Variants in CHRM2 observed in about 807,000 individuals in gnomAD.
The protein encoded by CHRM2 is cholinergic receptor muscarinic 2.
Under a neutral mutation model 25.0 loss-of-function variants are expected in CHRM2, and 8 were observed. That is an observed-to-expected ratio of 0.32 (90% CI 0.19 to 0.58). CHRM2 has a LOEUF of 0.58. Among genes scored for constraint, CHRM2 ranks in the 20% least tolerant of loss-of-function variants. The pLI, the probability that CHRM2 is intolerant of heterozygous loss-of-function variation, is 0.88. For missense variants in CHRM2, 440 were observed against 567.1 expected (o/e 0.78, Z 2.28); for synonymous variants, 202 against 205.7 (o/e 0.98, Z 0.15).
intron 2 of CHRM2, among the ~76,000 whole-genome samples, chr7:136,966,601 C>G (rs996542426): frequency 6.6e-6 from 1 of 151,888 alleles, no homozygotes; most frequent in Admixed American, 6.6e-5. Flanking sequence ...AGAAAGGCAA[C>G]CATTGTAAAT....
At chr7:136,924,138 T>A (rs1301406194) in intron 2 of CHRM2, among the ~76,000 whole-genome samples, 1 of 152,228 alleles carries the variant, frequency 6.6e-6, no homozygotes, top group Non-Finnish European at 1.5e-5. Flanking sequence ...CAAATACATA[T>A]GTTTCCTAAG....
At chr7:136,893,075 AT>A (rs1029434822) in intron 2 of CHRM2, among the ~76,000 whole-genome samples, 25 of 152,114 alleles carry the variant, frequency 1.6e-4, no homozygotes, top group Non-Finnish European at 2.4e-4. Flanking sequence ...CTAAAGAGAC[AT>A]GTCTCTCTCT....
chr7:136,892,693 A>G (rs1796740365), intron 2 of CHRM2, among the ~76,000 whole-genome samples: 2 of 146,808 alleles, frequency 1.4e-5, no homozygotes, highest in South Asian at 2.1e-4. Context: ...TTTTTGATAC[A>G]GGGTCTTGCT....
chr7:136,875,046 A>C (rs902077369), intron 2 of CHRM2, among the ~76,000 whole-genome samples: 17 of 150,392 alleles, frequency 1.1e-4, no homozygotes, highest in Admixed American at 2.0e-4. Context: ...ATATGTAAAA[A>C]ATGCATGTGT....
chr7:137,012,258 A>T (rs1804874101), intron 3 of CHRM2, among the ~76,000 whole-genome samples: 1 of 152,120 alleles, frequency 6.6e-6, no homozygotes, highest in South Asian at 2.1e-4. Context: ...TTCTGATCTT[A>T]CAGTTAGCTG....
At chr7:136,940,351 T>C (rs920726291) in intron 2 of CHRM2, among the ~76,000 whole-genome samples, 17 of 152,320 alleles carry the variant, frequency 1.1e-4, no homozygotes, top group African/African-American at 3.8e-4. Context: ...AAGCCTTCTG[T>C]AGTGATTAAA....
In CHRM2 at chr7:137,005,295, TTCTC is replaced by T. The variant is rs370907352; in HGVS notation, c.-46-9522_-46-9519del. Among the ~76,000 whole-genome samples, 49 of 152,238 alleles carry T rather than the reference TTCTC, an allele frequency of 3.2e-4. No individual in the cohort carries two copies. The East Asian group carries it at 9.5e-3, about 29-fold the overall frequency. ...TTTAATGAAAAGAGCAACTTTCTCT[TTCTC>T]TCCATAAGCAATGCAGCCTTAAGTA... On this transcript the variant is annotated intron_variant, in intron 3 of 3. Transcript: ENST00000680005.
chr7:136,986,863 T>C (rs1802889987), intron 2 of CHRM2, among the ~76,000 whole-genome samples: 2 of 152,206 alleles, frequency 1.3e-5, no homozygotes, highest in South Asian at 4.1e-4. Context: ...CTCATTCTTA[T>C]TGTATATGAA....
chr7:136,918,492 C>G (rs1160122222), intron 2 of CHRM2, among the ~76,000 whole-genome samples: 5 of 152,118 alleles, frequency 3.3e-5, no homozygotes, highest in Admixed American at 6.6e-5. Flanking sequence ...ACCCATCTCA[C>G]TGTTGCTACC....
In CHRM2 at chr7:137,016,610, T is replaced by C; in HGVS notation, c.*344T>C. On this transcript the variant is annotated 3_prime_UTR_variant, in exon 4 of 4. Transcript: ENST00000680005. Reference sequence around the variant, plus strand: ...ACAAGAGGAATAACCTTGTTCCTTTTTTGTTACTTTTGTTGTTGTTGTTCT... The same window carrying C: ...ACAAGAGGAATAACCTTGTTCCTTTCTTGTTACTTTTGTTGTTGTTGTTCT... 3.8e-6 allele frequency: 1 copy of C among 262,328 alleles called. No homozygotes were observed. Among genetic ancestry groups the C allele is most frequent in the Non-Finnish European group, 7.9e-6 (1 of 127,030 alleles). 16.3% of individuals were successfully genotyped at this position (262,328 alleles called of 1,614,324 possible).
intron 3 of CHRM2, among the ~76,000 whole-genome samples, chr7:137,013,976 G>A (rs1383983027): frequency 2.0e-5 from 3 of 152,014 alleles, no homozygotes; most frequent in African/African-American, 7.2e-5. Context: ...TAATAGATTT[G>A]ATAGTGGTTT....
In CHRM2 at chr7:136,957,215, G is replaced by T. The variant is rs75504965; in HGVS notation, c.-124-34972G>T. 1.6e-3 allele frequency among the ~76,000 whole-genome samples: 251 copies of T among 152,250 alleles called. 2 individuals carry two copies. Among genetic ancestry groups the T allele is most frequent in the East Asian group, 0.016 (82 of 5,164 alleles). On this transcript the variant is annotated intron_variant, in intron 2 of 3. Transcript: ENST00000680005. ...GCTTTGTTCAGTACATCTTTTGGGG[G>T]CAGCCCACTCCTATCAACATAACAG... is the stretch of plus-strand genomic sequence containing the variant.
intron 2 of CHRM2, among the ~76,000 whole-genome samples, chr7:136,945,724 A>G (rs1800037127): frequency 2.6e-5 from 4 of 152,130 alleles, no homozygotes; most frequent in Admixed American, 2.6e-4. Flanking sequence ...GTTCAGTCAC[A>G]TATAGCATGA....
chr7:136,903,369 T>C (rs759500944), intron 2 of CHRM2: 9 of 380,522 alleles, frequency 2.4e-5, no homozygotes, highest in Non-Finnish European at 4.2e-5. Context: ...GAAGTCTTAC[T>C]CTTCCTGCTT....
chr7:136,931,872 A>T (rs112251497), intron 2 of CHRM2, among the ~76,000 whole-genome samples: 87 of 152,344 alleles, frequency 5.7e-4, no homozygotes, highest in African/African-American at 2.0e-3. Context: ...CCTAAAATTC[A>T]GTAGATTGAT....
chr7:136,938,692 G>A lies in CHRM2; in HGVS notation c.-124-53495G>A, dbSNP rs137876422. 67 of 769,800 alleles carry A rather than the reference G, an allele frequency of 8.7e-5. No homozygotes were observed. In the African/African-American group the frequency reaches 9.4e-4, roughly 11 times the overall value. The allele number at this position is 769,800 out of a possible 1,614,324, so 47.7% of individuals were successfully genotyped here. A position where few individuals can be genotyped will look rare whatever the true frequency, so the allele number is the denominator to read the frequency against. On this transcript the variant is annotated intron_variant, in intron 2 of 3. Coordinates refer to ENST00000680005, the MANE Select transcript of CHRM2 (RefSeq NM_001006630.2). ...GGCTGCTGAAGGCCCAGGGGCCAGA[G>A]GTGGACACCTTGTAGGACTGTACCC...
chr7:136,906,565 T>C (rs1797563682), intron 2 of CHRM2, among the ~76,000 whole-genome samples: 1 of 151,890 alleles, frequency 6.6e-6, no homozygotes, highest in Admixed American at 6.6e-5. Context: ...CAGTGATTTA[T>C]ATGAGTCCTT....
intron 3 of CHRM2, among the ~76,000 whole-genome samples, chr7:137,013,260 CTTA>C (rs1338805891): frequency 1.3e-5 from 2 of 151,844 alleles, no homozygotes; most frequent in African/African-American, 4.8e-5. Context: ...AATTTTGGGT[CTTA>C]TTATATTAAG....
chr7:136,876,456 T>A lies in CHRM2; in HGVS notation c.-125+7038T>A, dbSNP rs1796055899. ...TTCCAAATAACACAATTAAGTGGAATTTTTAAAACCACTTTCTATTTTCAA... is the reference window on the plus strand; with the variant it reads ...TTCCAAATAACACAATTAAGTGGAAATTTTAAAACCACTTTCTATTTTCAA... On this transcript the variant is annotated intron_variant, in intron 2 of 3. Coordinates refer to ENST00000680005, the MANE Select transcript of CHRM2 (RefSeq NM_001006630.2). 3.3e-5 allele frequency among the ~76,000 whole-genome samples: 5 copies of A among 152,158 alleles called. No homozygotes were observed. The South Asian group carries it at 1.0e-3, about 31-fold the overall frequency.
Sources: gnomAD v4.1 joint callset for allele counts (sites outside exome capture counted in the v4.1 genomes callset) on GRCh38, gnomAD v4.1.1 for gene constraint, MANE v1.5 for transcripts, NCBI Gene and HGNC (gene_info 2026-07-23, HGNC 2026-07-21) for gene names.